Variants in UNC5C observed in about 807,000 individuals in gnomAD.
UNC5C encodes netrin receptor UNC5C.
Under a neutral mutation model 99.8 loss-of-function variants are expected in UNC5C, and 47 were observed. That is an observed-to-expected ratio of 0.47 (90% CI 0.37 to 0.60). The LOEUF (loss-of-function observed/expected upper bound fraction) is 0.60. UNC5C is among the 20% of genes least tolerant of loss of function. The pLI is 0.00. For missense variants in UNC5C, 1,062 were observed against 1,165.9 expected (o/e 0.91, Z 1.30); for synonymous variants, 487 against 452.2 (o/e 1.08, Z -0.98).
chr4:95,379,428 A>G (rs1389203393), intron 1 of UNC5C, among the ~76,000 whole-genome samples: 1 of 152,206 alleles, frequency 6.6e-6, no homozygotes, highest in Non-Finnish European at 1.5e-5. Flanking sequence ...GCTTTAGAAA[A>G]TACAAACAAC....
chr4:95,486,583 A>G (rs530502334), intron 1 of UNC5C, among the ~76,000 whole-genome samples: 5 of 151,688 alleles, frequency 3.3e-5, no homozygotes, highest in Non-Finnish European at 7.4e-5. Flanking sequence ...CCATATCTCC[A>G]GTCTGGCCTT....
chr4:95,175,580 CT>C (rs1227583785), intron 14 of UNC5C, among the ~76,000 whole-genome samples: 7 of 152,296 alleles, frequency 4.6e-5, no homozygotes, highest in African/African-American at 1.4e-4. Flanking sequence ...CCCCCACTCC[CT>C]TCTGGCTTGT....
At chr4:95,466,164 A>G (rs909794306) in intron 1 of UNC5C, among the ~76,000 whole-genome samples, 1 of 152,198 alleles carries the variant, frequency 6.6e-6, no homozygotes, top group African/African-American at 2.4e-5. Context: ...TGCAAATGAC[A>G]AGGTTCTGAC....
chr4:95,182,950 GCA>G lies in UNC5C; in HGVS notation c.2396_2397del (p.Val799AlafsTer55). On this transcript the variant is annotated frameshift_variant, in exon 14 of 16. Transcript: ENST00000453304. LOFTEE classifies it high-confidence loss of function. Reference sequence around the variant, plus strand: ...ATCTGCCCTTCTCCTTCCACCTGCCGCACACAGAGTTTGCAAACCAGCTCCAC... The same window carrying G: ...ATCTGCCCTTCTCCTTCCACCTGCCGCACAGAGTTTGCAAACCAGCTCCAC... ...NTVELVCKLC[V>X]RQVEGEGQIF... The G allele has an allele frequency of 6.2e-7, 1 of 1,613,648 alleles. No individual in the cohort carries two copies. Among genetic ancestry groups the G allele is most frequent in the Non-Finnish European group, 8.5e-7 (1 of 1,179,746 alleles).
chr4:95,167,008 CAG>C lies in UNC5C; in HGVS notation c.*2224_*2225del, dbSNP rs377198191. On this transcript the variant is annotated 3_prime_UTR_variant, in exon 16 of 16. Transcript: ENST00000453304. Reference sequence around the variant, plus strand: ...AGAATATATGTATGTATGTCCAAAACAGAAGATACGGAATAAAAAGCATGAAA... The same window carrying C: ...AGAATATATGTATGTATGTCCAAAACAAGATACGGAATAAAAAGCATGAAA... The C allele has an allele frequency of 6.6e-6, 1 of 152,038 alleles. No individual in the cohort carries two copies. The highest frequency in any genetic ancestry group is 2.4e-5 in the African/African-American group (1 of 41,458). 9.4% of individuals were successfully genotyped at this position (152,038 alleles called of 1,614,324 possible).
intron 12 of UNC5C, 118 bp from the exon 13 acceptor site, chr4:95,185,314 C>A (rs1736788852): frequency 1.6e-6 from 2 of 1,240,622 alleles, no homozygotes; most frequent in Admixed American, 2.4e-5. Flanking sequence ...TTGTGCAACA[C>A]CTTGAACACC....
chr4:95,365,295 C>CAAAAAAAAAAAAAAAGAAAAAAAAAA (rs1744521045), intron 1 of UNC5C, among the ~76,000 whole-genome samples: 1 of 108,036 alleles, frequency 9.3e-6, no homozygotes, highest in Non-Finnish European at 2.0e-5. Flanking sequence ...GAATCTGTCT[C>CAAAAAAAAAAAAAAAGAAAAAAAAAA]AAAAAAAAAA....
chr4:95,328,645 A>C (rs1742996002), intron 2 of UNC5C, among the ~76,000 whole-genome samples: 1 of 143,890 alleles, frequency 6.9e-6, no homozygotes, highest in African/African-American at 2.5e-5. Flanking sequence ...CGCCACACTG[A>C]CTTCCACAAT....
At chr4:95,238,847 G>A (rs1422596155) in intron 7 of UNC5C, among the ~76,000 whole-genome samples, 2 of 152,078 alleles carry the variant, frequency 1.3e-5, no homozygotes, top group African/African-American at 2.4e-5. Flanking sequence ...CTTCCAATGA[G>A]TTTTAAATTT....
At chr4:95,492,923 G>A (rs1283897297) in intron 1 of UNC5C, among the ~76,000 whole-genome samples, 1 of 151,442 alleles carries the variant, frequency 6.6e-6, no homozygotes, top group Admixed American at 6.6e-5. Flanking sequence ...GGCATATATT[G>A]AGTAGTAAAT....
At chr4:95,215,368 T>C (rs1738211410) in intron 10 of UNC5C, among the ~76,000 whole-genome samples, 1 of 152,228 alleles carries the variant, frequency 6.6e-6, no homozygotes. Context: ...TCAGAAGCAT[T>C]AATCAGGCTT....
At chr4:95,283,952 T>A (rs1431285114) in intron 3 of UNC5C, among the ~76,000 whole-genome samples, 1 of 152,240 alleles carries the variant, frequency 6.6e-6, no homozygotes, top group Non-Finnish European at 1.5e-5. Context: ...AACATGAATA[T>A]TGGCTTAATA....
chr4:95,238,933 A>G (rs1220090101), intron 7 of UNC5C, among the ~76,000 whole-genome samples: 1 of 151,954 alleles, frequency 6.6e-6, no homozygotes, highest in African/African-American at 2.4e-5. Flanking sequence ...ATATTCTGTT[A>G]TTTCATTTGT....
At chr4:95,424,518 C>CTTTTTTTTTTTTTTCTTTTTT (rs1746412263) in intron 1 of UNC5C, among the ~76,000 whole-genome samples, 1 of 67,952 alleles carries the variant, frequency 1.5e-5, no homozygotes, top group Non-Finnish European at 2.7e-5. Context: ...TTTTTCTTTT[C>CTTTTTTTTTTTTTTCTTTTTT]TTTTTTTTTT....
chr4:95,205,282 G>C (rs1422627931), intron 11 of UNC5C, among the ~76,000 whole-genome samples: 6 of 152,140 alleles, frequency 3.9e-5, no homozygotes, highest in Admixed American at 3.9e-4. Flanking sequence ...AATAATTTAG[G>C]ATCACTTCGG....
intron 5 of UNC5C, among the ~76,000 whole-genome samples, chr4:95,246,170 G>A (rs1220833259): frequency 1.3e-5 from 2 of 152,186 alleles, no homozygotes; most frequent in African/African-American, 2.4e-5. Context: ...CAACTGTAAT[G>A]TTCAAAAACA....
intron 1 of UNC5C, among the ~76,000 whole-genome samples, chr4:95,432,617 C>G (rs1005385238): frequency 6.6e-6 from 1 of 152,016 alleles, no homozygotes; most frequent in African/African-American, 2.4e-5. Flanking sequence ...TGGTCAGAAC[C>G]CTGTTTGGGG....
chr4:95,202,294 T>C (rs1489353846), intron 12 of UNC5C, among the ~76,000 whole-genome samples: 1 of 152,212 alleles, frequency 6.6e-6, no homozygotes, highest in African/African-American at 2.4e-5. Flanking sequence ...AGCAGCCTGT[T>C]GTCAAATGCT....
chr4:95,456,352 T>TG (rs1280258079), intron 1 of UNC5C, among the ~76,000 whole-genome samples: 1 of 152,148 alleles, frequency 6.6e-6, no homozygotes, highest in African/African-American at 2.4e-5. Context: ...GTTGTGGGAA[T>TG]GGGGAATTCA....
Sources: allele counts gnomAD v4.1 joint callset (sites outside exome capture counted in the v4.1 genomes callset), GRCh38; gene constraint gnomAD v4.1.1; transcripts MANE v1.5; gene names NCBI Gene and HGNC (gene_info 2026-07-23, HGNC 2026-07-21).